Variants in PTPRD observed in about 807,000 individuals in gnomAD.
PTPRD encodes the protein receptor-type tyrosine-protein phosphatase delta.
PTPRD carries 34 observed loss-of-function variants against 214.5 expected under a neutral mutation model. The ratio of observed to expected loss-of-function variants is 0.16; its 90% CI spans 0.12 to 0.21. The LOEUF (loss-of-function observed/expected upper bound fraction) is 0.21. PTPRD is among the 10% of genes least tolerant of loss of function. The pLI, the probability that PTPRD is intolerant of heterozygous loss-of-function variation, is 1.00. For missense variants in PTPRD, 2,545 were observed against 2,398.7 expected, an observed-to-expected ratio of 1.06 and a Z score of -1.27; for synonymous variants, 1,128 against 845.7, an observed-to-expected ratio of 1.33 and a Z score of -5.79.
chr9:9,031,636 A>T (rs143041712), intron 10 of PTPRD, among the ~76,000 whole-genome samples: 80 of 152,170 alleles, frequency 5.3e-4, no homozygotes, highest in African/African-American at 1.9e-3. Flanking sequence ...TCCATCAGTG[A>T]CTGGAATGTT....
intron 6 of PTPRD, among the ~76,000 whole-genome samples, chr9:9,754,318 A>G (rs1020180808): frequency 1.3e-5 from 2 of 152,076 alleles, no homozygotes; most frequent in Non-Finnish European, 2.9e-5. Flanking sequence ...AGGAAACTGG[A>G]TGACTTGTAA....
intron 8 of PTPRD, among the ~76,000 whole-genome samples, chr9:9,413,707 A>G (rs2076201320): frequency 6.6e-6 from 1 of 152,212 alleles, no homozygotes; most frequent in Non-Finnish European, 1.5e-5. Flanking sequence ...TGGTCAATAC[A>G]TAAAGTTTCT....
rs749709602 is a variant in PTPRD at position 9,208,020 on chromosome 9, C to CTTTT, written c.-202-24661_-202-24658dup. ...TGGTATGGCTATTCATATATATCTG[C>CTTTT]TTTTTTTTTTTTTTTTTGAGACAGA... On this transcript the variant is annotated intron_variant, in intron 9 of 45. Coordinates refer to ENST00000381196, the MANE Select transcript of PTPRD (RefSeq NM_002839.4). Among the ~76,000 whole-genome samples the CTTTT allele has an allele frequency of 3.5e-3, 188 of 53,266 alleles. 41 individuals are homozygous for CTTTT. The highest frequency in any genetic ancestry group is 8.7e-3 in the African/African-American group (160 of 18,458). 34.9% of individuals were successfully genotyped at this position (53,266 alleles called of 152,430 possible). A position where few individuals can be genotyped will look rare whatever the true frequency, so the allele number is the denominator to read the frequency against.
chr9:9,534,036 TACTC>T (rs1056714167), intron 8 of PTPRD, among the ~76,000 whole-genome samples: 5 of 151,946 alleles, frequency 3.3e-5, no homozygotes, highest in African/African-American at 1.2e-4. Flanking sequence ...CACACAAACA[TACTC>T]ACACACACTA....
intron 2 of PTPRD, among the ~76,000 whole-genome samples, chr9:10,341,656 A>C (rs2096941597): frequency 6.6e-6 from 1 of 152,014 alleles, no homozygotes; most frequent in Non-Finnish European, 1.5e-5. Flanking sequence ...TAGAGTTGAT[A>C]GATGGTTTTA....
intron 14 of PTPRD, among the ~76,000 whole-genome samples, chr9:8,599,353 C>G (rs893190538): frequency 2.0e-5 from 3 of 152,056 alleles, no homozygotes; most frequent in African/African-American, 7.2e-5. Flanking sequence ...CCATATCTGT[C>G]TATATCACCC....
Position 9,024,351 on chromosome 9 carries a change from T to TG in PTPRD, c.-142-5617dup, listed in dbSNP as rs1186654098. Among the ~76,000 whole-genome samples, 17 of 62,060 alleles carry TG rather than the reference T, an allele frequency of 2.7e-4. 1 individual carries two copies. The South Asian group carries it at 0.01, about 37-fold the overall frequency. 40.7% of individuals were successfully genotyped at this position (62,060 alleles called of 152,430 possible). A position where few individuals can be genotyped will look rare whatever the true frequency, so the allele number is the denominator to read the frequency against. The stretch of plus-strand genomic sequence containing the variant: ...TGTCGATTCTTTGTTTTTTTTTGTT[T>TG]GTTTTTTTTTTTTTCCTGTATAAAC... On this transcript the variant is annotated intron_variant, in intron 10 of 45. Transcript: ENST00000381196.
chr9:9,916,080 T>TAA (rs549658470), intron 5 of PTPRD, among the ~76,000 whole-genome samples: 1,657 of 136,210 alleles, frequency 0.012, 30 homozygotes, highest in African/African-American at 0.041. Flanking sequence ...GTACTAAAAT[T>TAA]AAAAAAAAAA....
intron 3 of PTPRD, among the ~76,000 whole-genome samples, chr9:10,228,151 A>AT (rs67915045): frequency 0.66 from 100,229 of 151,412 alleles, 35,708 homozygotes; most frequent in Non-Finnish European, 0.79. Flanking sequence ...TAGATACTTC[A>AT]TTTCCAATAA....
At chr9:9,325,709 G>A (rs547732734) in intron 9 of PTPRD, among the ~76,000 whole-genome samples, 1 of 152,194 alleles carries the variant, frequency 6.6e-6, no homozygotes, top group Admixed American at 6.5e-5. Flanking sequence ...GATTGCCCTG[G>A]CCAGAACTTC....
At chr9:9,187,886 GTC>G (rs1215434610) in intron 9 of PTPRD, among the ~76,000 whole-genome samples, 1 of 151,718 alleles carries the variant, frequency 6.6e-6, no homozygotes, top group African/African-American at 2.4e-5. Context: ...GGAATCCTGA[GTC>G]CTTTTGTCTC....
chr9:8,862,928 G>C (rs767501969), intron 11 of PTPRD, among the ~76,000 whole-genome samples: 2 of 151,970 alleles, frequency 1.3e-5, no homozygotes, highest in Non-Finnish European at 2.9e-5. Flanking sequence ...GTGGGGTGGT[G>C]GGGGGGAGGG....
intron 10 of PTPRD, among the ~76,000 whole-genome samples, chr9:9,170,397 T>C (rs2099912172): frequency 6.6e-6 from 1 of 152,172 alleles, no homozygotes; most frequent in Non-Finnish European, 1.5e-5. Context: ...GATTGGGTGG[T>C]TTGATTTTAG....
chr9:10,480,757 A>C (rs763920512), intron 2 of PTPRD, among the ~76,000 whole-genome samples: 1 of 152,154 alleles, frequency 6.6e-6, no homozygotes, highest in Non-Finnish European at 1.5e-5. Flanking sequence ...GAATCAAACT[A>C]TAAAAGAAAG....
At chr9:10,152,305 A>G (rs2099066311) in intron 3 of PTPRD, among the ~76,000 whole-genome samples, 1 of 152,076 alleles carries the variant, frequency 6.6e-6, no homozygotes, top group Non-Finnish European at 1.5e-5. Flanking sequence ...ATGTGGTTAT[A>G]TATTATCTGT....
At position 9,080,407 on chromosome 9, in the gene PTPRD, G is replaced by A. The variant is rs559661480; in HGVS notation, c.-142-61672C>T. Among the ~76,000 whole-genome samples the A allele has an allele frequency of 3.2e-4, 48 of 152,190 alleles. 1 individual carries two copies. In the South Asian group the frequency reaches 9.5e-3, roughly 30 times the overall value. ...TGTGAATACTGATTTTATAATAAAAGTCGCTTGCTACTACTATGTGCCACA... is the reference window on the plus strand; with the variant it reads ...TGTGAATACTGATTTTATAATAAAAATCGCTTGCTACTACTATGTGCCACA... On this transcript the variant is annotated intron_variant, in intron 10 of 45. Transcript: ENST00000381196.
At chr9:9,050,615 TGAGTA>T (rs944777044) in intron 10 of PTPRD, among the ~76,000 whole-genome samples, 18 of 152,166 alleles carry the variant, frequency 1.2e-4, no homozygotes, top group African/African-American at 4.3e-4. Flanking sequence ...TGCATCACTC[TGAGTA>T]GAGTGATGAA....
At chr9:10,297,388 A>G (rs2154404030) in intron 3 of PTPRD, among the ~76,000 whole-genome samples, 1 of 152,116 alleles carries the variant, frequency 6.6e-6, no homozygotes, top group African/African-American at 2.4e-5. Context: ...TGGGAGGCAT[A>G]GACTTAGACT....
chr9:10,327,779 G>A (rs1248780072), intron 3 of PTPRD, among the ~76,000 whole-genome samples: 2 of 151,618 alleles, frequency 1.3e-5, no homozygotes, highest in Non-Finnish European at 1.5e-5. Flanking sequence ...ATTTACATCA[G>A]GACAAGAATT....
Sources: gnomAD v4.1 joint callset for allele counts (sites outside exome capture counted in the v4.1 genomes callset) on GRCh38, gnomAD v4.1.1 for gene constraint, MANE v1.5 for transcripts, NCBI Gene and HGNC (gene_info 2026-07-23, HGNC 2026-07-21) for gene names.